The following KPNA2 variants were observed in gnomAD, a reference collection of about 807,000 sequenced individuals.
KPNA2 encodes importin subunit alpha-1.
A neutral mutation model predicts 53.7 loss-of-function variants in KPNA2; 20 were observed. That is an observed-to-expected ratio of 0.37 (90% CI 0.26 to 0.54). The LOEUF (loss-of-function observed/expected upper bound fraction) is 0.54, where lower values mean the gene tolerates loss of function less well. Ranked by LOEUF, KPNA2 falls within the 20% of genes least tolerant of loss-of-function variation. The probability of loss-of-function intolerance (pLI) is 0.83; values close to 1 mark genes in which losing one functional copy is unlikely to be tolerated. For missense variants in KPNA2, 515 were observed against 640.3 expected (o/e 0.80, Z 2.11); for synonymous variants, 238 against 227.5 (o/e 1.05, Z -0.42).
chr17:68,045,997 A>G (rs1345932430), intron 10 of KPNA2, 76 bp downstream of exon 10: 2 of 920,652 alleles, frequency 2.2e-6, no homozygotes, highest in Non-Finnish European at 3.2e-6. Flanking sequence ...TTCCCTTTTA[A>G]AAATAAGTGT....
Position 68,045,847 on chromosome 17 carries a change from G to A in KPNA2, c.1423G>A (p.Ala475Thr), listed in dbSNP as rs781944993. ...EECGGLDKIE[A>T]LQNHENESVY... ...ATGTGGAGGCTTAGACAAAATTGAA[G>A]CTCTACAAAACCATGAAAATGAGTC... Residue 475 changes from alanine to threonine, a missense_variant, in exon 10 of 11, where the codon GCT (alanine) becomes ACT (threonine). By Grantham distance (58) the Ala-to-Thr change is moderately conservative. Coordinates refer to ENST00000330459, the MANE Select transcript of KPNA2 (RefSeq NM_002266.4). 26 of 1,607,914 alleles carry A rather than the reference G, an allele frequency of 1.6e-5. No homozygotes were observed. The Admixed American group carries it at 2.5e-4, about 16-fold the overall frequency.
chr17:68,046,585 T>G lies in KPNA2; in HGVS notation c.1579T>G (p.Phe527Val). 6.3e-7 allele frequency: 1 copy of G among 1,599,938 alleles called. No homozygotes were observed. Among genetic ancestry groups the G allele is most frequent in the South Asian group, 1.1e-5 (1 of 90,482 alleles). ...AGTTCAGGATGGGGCTCCTGGGACC[T>G]TTAACTTTTAGATCATGTAGCTGAG... is the stretch of plus-strand genomic sequence containing the variant. The part of the protein sequence containing the change: ...FQVQDGAPGT[F>V]NF The change falls in exon 11 of 11, where the codon TTT becomes GTT. Residue 527 changes from phenylalanine (F) to valine (V), a missense_variant. Coordinates refer to ENST00000330459, the MANE Select transcript of KPNA2 (RefSeq NM_002266.4).
chr17:68,042,107 C>T lies in KPNA2; in HGVS notation c.325C>T (p.Gln109Ter). 1 of 1,613,212 alleles carries T rather than the reference C, an allele frequency of 6.2e-7. No homozygotes were observed. Residue 109 changes from glutamine to a stop codon, truncating the protein, a stop_gained, in exon 5 of 11, where the codon CAG becomes TAG. Coordinates refer to ENST00000330459, the MANE Select transcript of KPNA2 (RefSeq NM_002266.4). LOFTEE classifies it high-confidence loss of function. ...TAGGAAACTACTTTCCAGAGAAAAA[C>T]AGCCCCCCATAGACAACATAATCCG... ...AARKLLSREK[Q>*]PPIDNIIRAG...
rs199791962 is a variant in KPNA2, at chr17:68,037,093, C to T, written c.-23-17C>T. 7.5e-6 allele frequency: 11 copies of T among 1,460,426 alleles called. No homozygotes were observed. In the African/African-American group the frequency reaches 8.4e-5, roughly 11 times the overall value. 90.5% of individuals were successfully genotyped at this position (1,460,426 alleles called of 1,614,324 possible). A position where few individuals can be genotyped will look rare whatever the true frequency, so the allele number is the denominator to read the frequency against. On this transcript the variant is annotated splice_polypyrimidine_tract_variant and intron_variant, in intron 1 of 10. Transcript: ENST00000330459. ...AAAATGATAAAGGAAATATTTTTCTCTTCCCCCATCTTTTAGCTTTCTCCC... is the reference window on the plus strand; with the variant it reads ...AAAATGATAAAGGAAATATTTTTCTTTTCCCCCATCTTTTAGCTTTCTCCC...
chr17:68,043,032 T>A (rs782743755), intron 6 of KPNA2, 33 bp downstream of exon 6: 14 of 1,611,768 alleles, frequency 8.7e-6, no homozygotes, highest in Non-Finnish European at 2.5e-6. Context: ...GTTACTCACT[T>A]CTTCATTCTA....
chr17:68,045,982 T>G, intron 10 of KPNA2, 61 bp downstream of exon 10: 1 of 1,033,474 alleles, frequency 9.7e-7, no homozygotes, highest in South Asian at 2.3e-5. Context: ...GCCATAAGCC[T>G]TTTTTTCCCT....
At chr17:68,041,592 G>A (rs1339019112) in intron 4 of KPNA2, among the ~76,000 whole-genome samples, 1 of 152,046 alleles carries the variant, frequency 6.6e-6, no homozygotes, top group Non-Finnish European at 1.5e-5. Flanking sequence ...TGGGTGTGGC[G>A]GTGCACACTT....
chr17:68,045,972 G>C, intron 10 of KPNA2, 51 bp downstream of exon 10: 1 of 1,227,722 alleles, frequency 8.1e-7, no homozygotes, highest in Non-Finnish European at 1.1e-6. Flanking sequence ...TAAAGTCAAG[G>C]CCATAAGCCT....
intron 1 of KPNA2, chr17:68,036,194 G>C (rs1267029450): frequency 6.6e-6 from 1 of 152,310 alleles, no homozygotes; most frequent in Non-Finnish European, 1.5e-5. Flanking sequence ...AGGGGCTGGG[G>C]GTGGCAGTTG....
intron 2 of KPNA2, 62 bp from the exon 3 acceptor site, chr17:68,037,296 T>A (rs1341071650): frequency 3.2e-6 from 5 of 1,572,106 alleles, no homozygotes; most frequent in Non-Finnish European, 4.3e-6. Context: ...AAAAAAAAAA[T>A]GCCCTCACTT....
At chr17:68,043,683 CAA>C (rs35815075) in intron 7 of KPNA2, among the ~76,000 whole-genome samples, 153 bp from the exon 8 acceptor site, 101,363 of 141,602 alleles carry the variant, frequency 0.72, 36,347 homozygotes, top group African/African-American at 0.77. Flanking sequence ...TCCAGTCTCT[CAA>C]AAAAAAAAAA....
At chr17:68,041,931 TTC>T (rs1288034252) in intron 4 of KPNA2, among the ~76,000 whole-genome samples, 152 bp from the exon 5 acceptor site, 1 of 152,238 alleles carries the variant, frequency 6.6e-6, no homozygotes, top group Non-Finnish European at 1.5e-5. Flanking sequence ...TCTGTTCAGC[TTC>T]TCTTAGGTTC....
At chr17:68,044,126 G>C in intron 8 of KPNA2, 55 bp downstream of exon 8, 1 of 1,446,786 alleles carries the variant, frequency 6.9e-7, no homozygotes, top group Non-Finnish European at 9.7e-7. Context: ...AGAAAGCTGT[G>C]CTTGATAAGC....
chr17:68,045,230 G>GT (rs1568278312), intron 9 of KPNA2, among the ~76,000 whole-genome samples: 1 of 151,720 alleles, frequency 6.6e-6, no homozygotes, highest in Non-Finnish European at 1.5e-5. Context: ...AAGCAAATCT[G>GT]TTTTTTTCAT....
In KPNA2 at chr17:68,045,755, ATTT is replaced by A. The variant is rs78746494; in HGVS notation, c.1348-5_1348-3del. ...CCAGAGTATATGCCAGTAAACTTGG[ATTT>A]TTTTTTTTTTTAGGCTGCTGAGAAA... is the stretch of plus-strand genomic sequence containing the variant. On this transcript the variant is annotated splice_polypyrimidine_tract_variant and intron_variant, in intron 9 of 10. Transcript: ENST00000330459. 318 of 1,320,776 alleles carry A rather than the reference ATTT, an allele frequency of 2.4e-4. No homozygotes were observed. The highest frequency in any genetic ancestry group is 7.2e-4 in the South Asian group (48 of 67,080). 81.8% of individuals were successfully genotyped at this position (1,320,776 alleles called of 1,614,324 possible). A position where few individuals can be genotyped will look rare whatever the true frequency, so the allele number is the denominator to read the frequency against.
rs1555705067 is a variant in KPNA2, at chr17:68,044,028, T to C, written c.1121T>C (p.Val374Ala). The change falls in exon 8 of 11, where the codon GTG (valine) becomes GCG (alanine). Residue 374 changes from valine (V) to alanine (A), a missense_variant. Physicochemically the swap from Val to Ala is moderately conservative, Grantham distance 64 (BLOSUM62 0). Transcript: ENST00000330459. ...AGRQDQIQQV[V>A]NHGLVPFLVS... ...CGCCAGGACCAGATACAGCAAGTTG[T>C]GAATCATGGATTAGTCCCATTCCTT... is the stretch of plus-strand genomic sequence containing the variant. 6.2e-7 allele frequency: 1 copy of C among 1,613,972 alleles called. No homozygotes were observed.
intron 9 of KPNA2, among the ~76,000 whole-genome samples, 155 bp downstream of exon 9, chr17:68,044,658 G>T (rs572344995): frequency 1.3e-5 from 2 of 152,166 alleles, no homozygotes; most frequent in Admixed American, 1.3e-4. Context: ...TAAAAATGAG[G>T]CAGGCATTAT....
intron 3 of KPNA2, among the ~76,000 whole-genome samples, chr17:68,040,260 A>ATTTTTTTTTTTT (rs782418464): frequency 1.7e-5 from 2 of 117,964 alleles, no homozygotes; most frequent in African/African-American, 3.3e-5. Flanking sequence ...ATGCCTGGAT[A>ATTTTTTTTTTTT]TTTTTTTTTT....
In KPNA2 at chr17:68,045,090, TAA is replaced by T. The variant is rs554471695; in HGVS notation, c.1347+605_1347+606del. ...AGCTTGGGCAAGAGTGAAACTGTCT[TAA>T]AAAAAAAAAAAAAAAAAGTTGAGCC... On this transcript the variant is annotated intron_variant, in intron 9 of 10. Coordinates refer to ENST00000330459, the MANE Select transcript of KPNA2 (RefSeq NM_002266.4). 7.1e-4 allele frequency among the ~76,000 whole-genome samples: 93 copies of T among 130,340 alleles called. 1 individual carries two copies. The South Asian group carries it at 0.018, about 25-fold the overall frequency. The allele number at this position is 130,340 out of a possible 152,430, so 85.5% of individuals were successfully genotyped here.
Sources: allele counts gnomAD v4.1 joint callset (sites outside exome capture counted in the v4.1 genomes callset), GRCh38; gene constraint gnomAD v4.1.1; transcripts MANE v1.5; gene names NCBI Gene and HGNC (gene_info 2026-07-23, HGNC 2026-07-21).